The following CYLD variants were observed in gnomAD, a reference collection of about 807,000 sequenced individuals.
CYLD encodes the protein CYLD lysine 63 deubiquitinase, also known as ubiquitin carboxyl-terminal hydrolase CYLD.
A neutral mutation model predicts 104.5 loss-of-function variants in CYLD; 26 were observed. That is an observed-to-expected ratio of 0.25 (90% CI 0.18 to 0.35). The LOEUF is 0.35. CYLD is among the 10% of genes least tolerant of loss of function. The pLI, the probability that CYLD is intolerant of heterozygous loss-of-function variation, is 1.00. For synonymous variants in CYLD, 385 were observed against 399.9 expected (o/e 0.96, Z 0.45); for missense variants, 703 against 1,136.1 (o/e 0.62, Z 5.48).
rs1020172373 is a variant in CYLD, at chr16:50,798,373, A to T, written c.*1865A>T. ...ATGTACAGACTTTTTTCTTGTCATT[A>T]TTCTCTGAACAATACAAGAACTCTT... On this transcript the variant is annotated 3_prime_UTR_variant, in exon 19 of 19. Coordinates refer to ENST00000427738, the MANE Select transcript of CYLD (RefSeq NM_001378743.1). The T allele has an allele frequency of 4.3e-6, 1 of 231,878 alleles. No homozygotes were observed. Among genetic ancestry groups the T allele is most frequent in the African/African-American group, 2.2e-5 (1 of 45,278 alleles). 14.4% of individuals were successfully genotyped at this position (231,878 alleles called of 1,614,324 possible).
Position 50,794,073 on chromosome 16 carries a change from G to C in CYLD, c.2470-139G>C. 2.7e-6 allele frequency: 2 copies of C among 737,366 alleles called. No homozygotes were observed. The highest frequency in any genetic ancestry group is 4.7e-6 in the Non-Finnish European group (2 of 428,766). The allele number at this position is 737,366 out of a possible 1,614,324, so 45.7% of individuals were successfully genotyped here. On this transcript the variant is annotated intron_variant, in intron 17 of 18. Coordinates refer to ENST00000427738, the MANE Select transcript of CYLD (RefSeq NM_001378743.1). This position sits in a 1 kb window ranked among gnomAD's most constrained non-coding sequence, Gnocchi z 4.1. ...CTCCCGAGTAGCTGGGACTGCAGGC[G>C]CCTGCCACCACGCCCAGCTAATTTT...
intron 5 of CYLD, among the ~76,000 whole-genome samples, chr16:50,762,346 T>C (rs1417471331): frequency 6.6e-6 from 1 of 152,236 alleles, no homozygotes; most frequent in East Asian, 1.9e-4. Context: ...AAGTGTGTTA[T>C]TCACTTAGAT....
intron 3 of CYLD, 97 bp downstream of exon 3, chr16:50,750,299 A>G: frequency 5.7e-6 from 8 of 1,401,530 alleles, no homozygotes; most frequent in Admixed American, 1.7e-5. Flanking sequence ...TAAATACGAA[A>G]TAAATTTTCC....
intron 5 of CYLD, among the ~76,000 whole-genome samples, chr16:50,774,822 G>GTA (rs1211540535): frequency 6.6e-6 from 1 of 152,180 alleles, no homozygotes; most frequent in Admixed American, 6.5e-5. Context: ...ACCGTGGAAG[G>GTA]TAAAAGTGTG....
Position 50,776,271 on chromosome 16 carries a change from G to T in CYLD, c.1015G>T (p.Ala339Ser). The change falls in exon 7 of 19, where the codon GCT (alanine) becomes TCT (serine). Residue 339 changes from alanine to serine, a missense_variant. Ala to Ser is a moderately conservative substitution (Grantham distance 99). Around this residue, in one of 5 missense-constraint regions of CYLD, gnomAD observed 183 missense variants for 212.1 expected, o/e 0.86. Coordinates refer to ENST00000427738, the MANE Select transcript of CYLD (RefSeq NM_001378743.1). ...TTCATCCAGTCATAATAAACCAAAG[G>T]CTACAGGTATGGATTAATAGCATAT... Reference protein sequence around the residue: ...KGSSSHNKPKATGSTSDPGNR... With the variant: ...KGSSSHNKPKSTGSTSDPGNR... 1 of 1,609,018 alleles carries T rather than the reference G, an allele frequency of 6.2e-7. No homozygotes were observed. Among genetic ancestry groups the T allele is most frequent in the Non-Finnish European group, 8.5e-7 (1 of 1,175,612 alleles).
At chr16:50,787,759 T>G (rs1304336392) in intron 13 of CYLD, 27 bp from the exon 14 acceptor site, 8 of 1,346,506 alleles carry the variant, frequency 5.9e-6, no homozygotes, top group Non-Finnish European at 7.4e-6. Context: ...TGCCTGTGAC[T>G]TATTTGATTT....
chr16:50,780,069 T>C (rs771798455), intron 9 of CYLD, 25 bp downstream of exon 9: 35 of 1,613,080 alleles, frequency 2.2e-5, no homozygotes, highest in Non-Finnish European at 2.9e-5. Flanking sequence ...CCCAAAAATT[T>C]CAATTTTTTT....
At chr16:50,743,489 C>CT (rs1389090066) in intron 2 of CYLD, among the ~76,000 whole-genome samples, 4 of 152,176 alleles carry the variant, frequency 2.6e-5, no homozygotes, top group African/African-American at 9.7e-5. Context: ...TGGGTGGTAA[C>CT]TTTTGTGAGA....
intron 18 of CYLD, chr16:50,795,580 T>TGGTGTGGCCCTCC: frequency 1.4e-6 from 1 of 703,024 alleles, no homozygotes; most frequent in Non-Finnish European, 2.6e-6. Context: ...CACGGCCTTC[T>TGGTGTGGCCCTCC]GGTGTGGCCC....
intron 5 of CYLD, among the ~76,000 whole-genome samples, chr16:50,764,655 G>A (rs1968298241): frequency 6.6e-6 from 1 of 152,236 alleles, no homozygotes; most frequent in South Asian, 2.1e-4. Flanking sequence ...TTTTTACTGT[G>A]TAACTAGTGC....
At chr16:50,748,886 G>A (rs1220375745) in intron 2 of CYLD, among the ~76,000 whole-genome samples, 3 of 152,080 alleles carry the variant, frequency 2.0e-5, no homozygotes, top group Non-Finnish European at 4.4e-5. Flanking sequence ...AGCCCGAAAC[G>A]CTACTTTTAA....
At chr16:50,769,689 A>G (rs556113453) in intron 5 of CYLD, among the ~76,000 whole-genome samples, 23 of 152,304 alleles carry the variant, frequency 1.5e-4, no homozygotes, top group South Asian at 1.0e-3. Context: ...GTAAAACAAG[A>G]CGTGTGCAAC....
chr16:50,796,591 C>A lies in CYLD; in HGVS notation c.*83C>A. ...TTCGAGCTGGCAGTTCTGTTCACGT[C>A]CATTGCCGGCAATGGATGTCTTTGT... is the stretch of plus-strand genomic sequence containing the variant. On this transcript the variant is annotated 3_prime_UTR_variant, in exon 19 of 19. Coordinates refer to ENST00000427738, the MANE Select transcript of CYLD (RefSeq NM_001378743.1). 2 of 1,384,394 alleles carry A rather than the reference C, an allele frequency of 1.4e-6. No individual in the cohort carries two copies. The highest frequency in any genetic ancestry group is 1.0e-6 in the Non-Finnish European group (1 of 984,770). The allele number at this position is 1,384,394 out of a possible 1,614,324, so 85.8% of individuals were successfully genotyped here.
Position 50,770,999 on chromosome 16 carries a change from G to A in CYLD, c.914-4167G>A, listed in dbSNP as rs74541398. On this transcript the variant is annotated intron_variant, in intron 5 of 18. Coordinates refer to ENST00000427738, the MANE Select transcript of CYLD (RefSeq NM_001378743.1). ...GTCCAATTTATAGTTTTTCTTGTGT[G>A]GGTCAAGCTTTTGTGTCAAGTTCGA... 8.2e-3 allele frequency among the ~76,000 whole-genome samples: 1,245 copies of A among 152,194 alleles called. 15 individuals are homozygous for A. Among genetic ancestry groups the A allele is most frequent in the African/African-American group, 0.025 (1,055 of 41,494 alleles).
rs569873502 is a variant in CYLD at position 50,755,068 on chromosome 16, T to C, written c.913+644T>C. ...ATATATATGTATATATACATATAGA[T>C]ATGTATACATATACACACATATATA... On this transcript the variant is annotated intron_variant, in intron 5 of 18. Coordinates refer to ENST00000427738, the MANE Select transcript of CYLD (RefSeq NM_001378743.1). Among the ~76,000 whole-genome samples, 362 of 125,138 alleles carry C rather than the reference T, an allele frequency of 2.9e-3. 11 individuals are homozygous for C. The highest frequency in any genetic ancestry group is 0.012 in the African/African-American group (345 of 29,528). 82.1% of individuals were successfully genotyped at this position (125,138 alleles called of 152,430 possible).
intron 5 of CYLD, among the ~76,000 whole-genome samples, chr16:50,756,654 T>G (rs954060288): frequency 1.3e-5 from 2 of 152,158 alleles, no homozygotes; most frequent in Admixed American, 6.5e-5. Context: ...TCAGAGATGG[T>G]GATTCTCATT....
At chr16:50,775,243 C>T (rs1164603850) in intron 6 of CYLD, 69 bp downstream of exon 6, 31 of 1,159,336 alleles carry the variant, frequency 2.7e-5, no homozygotes, top group Admixed American at 8.8e-5. Context: ...AAGAACTTTT[C>T]ACACTGCCTC....
rs946486340 is a variant in CYLD at position 50,794,763 on chromosome 16, C to A, written c.2686+335C>A. The A allele has an allele frequency of 2.7e-6, 1 of 365,116 alleles. No homozygotes were observed. Among genetic ancestry groups the A allele is most frequent in the Non-Finnish European group, 5.3e-6 (1 of 189,592 alleles). The allele number at this position is 365,116 out of a possible 1,614,324, so 22.6% of individuals were successfully genotyped here. A position where few individuals can be genotyped will look rare whatever the true frequency, so the allele number is the denominator to read the frequency against. ...AGCCTCCTGAGTAGCTGGGACTACA[C>A]GCATATGCCACCATGCCTGGCTAAT... On this transcript the variant is annotated intron_variant, in intron 18 of 18. Coordinates refer to ENST00000427738, the MANE Select transcript of CYLD (RefSeq NM_001378743.1). The surrounding 1 kb of genome is among the most constrained non-coding windows in gnomAD (Gnocchi z 4.1).
Position 50,794,557 on chromosome 16 carries a change from C to T in CYLD, c.2686+129C>T, listed in dbSNP as rs1971790069. On this transcript the variant is annotated intron_variant, in intron 18 of 18. Coordinates refer to ENST00000427738, the MANE Select transcript of CYLD (RefSeq NM_001378743.1). The surrounding 1 kb of genome is among the most constrained non-coding windows in gnomAD (Gnocchi z 4.1). ...CCTTTCAGGATTATTCTGGTGACAA[C>T]AGTCTTATATCTTGGATTGCATTAA... 6.8e-6 allele frequency: 6 copies of T among 888,488 alleles called. No individual in the cohort carries two copies. Among genetic ancestry groups the T allele is most frequent in the Admixed American group, 5.5e-5 (3 of 54,962 alleles). 55.0% of individuals were successfully genotyped at this position (888,488 alleles called of 1,614,324 possible). A position where few individuals can be genotyped will look rare whatever the true frequency, so the allele number is the denominator to read the frequency against.
Sources: allele counts gnomAD v4.1 joint callset (sites outside exome capture counted in the v4.1 genomes callset), GRCh38; gene constraint gnomAD v4.1.1; regional missense constraint gnomAD v4.1.1; non-coding constraint Gnocchi (gnomAD v3.1); transcripts MANE v1.5; gene names NCBI Gene and HGNC (gene_info 2026-07-23, HGNC 2026-07-21).